The following ICA1 variants were observed in gnomAD, a reference collection of about 807,000 sequenced individuals.
The protein encoded by ICA1 is islet cell autoantigen 1, also known as 69 kDa islet cell autoantigen.
A neutral mutation model predicts 71.0 loss-of-function variants in ICA1; 40 were observed. The observed-to-expected ratio is 0.56, with a 90% CI of 0.44 to 0.73. ICA1 has a LOEUF of 0.73. Among genes scored for constraint, ICA1 ranks in the 30% least tolerant of loss-of-function variants. The pLI, the probability that ICA1 is intolerant of heterozygous loss-of-function variation, is 0.00. For synonymous variants in ICA1, 207 were observed against 209.5 expected, an observed-to-expected ratio of 0.99 and a Z score of 0.10; for missense variants, 578 against 576.5, an observed-to-expected ratio of 1.00 and a Z score of -0.03.
At chr7:8,213,234 T>TA in intron 6 of ICA1, among the ~76,000 whole-genome samples, 1 of 152,338 alleles carries the variant, frequency 6.6e-6, no homozygotes, top group South Asian at 2.1e-4. Flanking sequence ...CAATCCACTG[T>TA]ATAGAATTCT....
intron 6 of ICA1, among the ~76,000 whole-genome samples, chr7:8,189,899 G>A (rs1334021903): frequency 3.9e-5 from 6 of 152,202 alleles, no homozygotes. Flanking sequence ...TACTTAGAAA[G>A]GCGGATTTCA....
rs866463133 is a variant in ICA1, at chr7:8,144,242, A to C, written c.805-270T>G. Among the ~76,000 whole-genome samples, 1 of 152,118 alleles carries C rather than the reference A, an allele frequency of 6.6e-6. No individual in the cohort carries two copies. The highest frequency in any genetic ancestry group is 1.5e-5 in the Non-Finnish European group (1 of 68,016). The stretch of plus-strand genomic sequence containing the variant: ...ATTTGCCACAAGATTTATGTTTTCC[A>C]TTTTGTGATAAGTTATTCAAACGTG... On this transcript the variant is annotated intron_variant, in intron 8 of 13. Coordinates refer to ENST00000402384, the MANE Select transcript of ICA1 (RefSeq NM_001136020.3). This position sits in a 1 kb window ranked among gnomAD's most constrained non-coding sequence, Gnocchi z 4.5.
chr7:8,190,394 C>T (rs376216862), intron 6 of ICA1, among the ~76,000 whole-genome samples: 2 of 152,100 alleles, frequency 1.3e-5, no homozygotes, highest in East Asian at 3.9e-4. Context: ...ATTCCATAAA[C>T]TCACAAATGT....
chr7:8,118,656 T>G (rs1239998717), intron 13 of ICA1, among the ~76,000 whole-genome samples: 1 of 152,230 alleles, frequency 6.6e-6, no homozygotes, highest in Non-Finnish European at 1.5e-5. Context: ...TTGTGGTTTC[T>G]GTGTGTGCCA....
rs1791024165 is a variant in ICA1 at position 8,130,446 on chromosome 7, T to TTAAGGATTA, written c.1061-2313_1061-2305dup. Among the ~76,000 whole-genome samples the TTAAGGATTA allele has an allele frequency of 6.6e-6, 1 of 152,242 alleles. No homozygotes were observed. The highest frequency in any genetic ancestry group is 2.4e-5 in the African/African-American group (1 of 41,460). ...TGCTCCCCTCTCCAGCATCACCTTTTTAAGGATTATTAACATTACAGAACT... is the reference window on the plus strand; with the variant it reads ...TGCTCCCCTCTCCAGCATCACCTTTTTAAGGATTATAAGGATTATTAACATTACAGAACT... On this transcript the variant is annotated intron_variant, in intron 12 of 13. Coordinates refer to ENST00000402384, the MANE Select transcript of ICA1 (RefSeq NM_001136020.3). This position sits in a 1 kb window ranked among gnomAD's most constrained non-coding sequence, Gnocchi z 4.2.
chr7:8,153,514 A>G (rs539934904), intron 8 of ICA1, among the ~76,000 whole-genome samples: 9 of 152,168 alleles, frequency 5.9e-5, no homozygotes, highest in African/African-American at 2.2e-4. Flanking sequence ...TTCCCCCTTG[A>G]TAATGTCTGC....
At chr7:8,203,704 G>A (rs1018553960) in intron 6 of ICA1, among the ~76,000 whole-genome samples, 17 of 152,228 alleles carry the variant, frequency 1.1e-4, no homozygotes, top group African/African-American at 3.6e-4. Context: ...CACTGGAAAT[G>A]TCTGCAGGGG....
intron 8 of ICA1, among the ~76,000 whole-genome samples, chr7:8,150,480 T>A (rs1214003632): frequency 6.6e-6 from 1 of 152,256 alleles, no homozygotes; most frequent in Non-Finnish European, 1.5e-5. Context: ...ATTCCTGCTT[T>A]CCTGACAGGA....
chr7:8,199,439 G>A (rs1457483872), intron 6 of ICA1, among the ~76,000 whole-genome samples: 1 of 152,180 alleles, frequency 6.6e-6, no homozygotes, highest in Non-Finnish European at 1.5e-5. Flanking sequence ...GGCCAGGCAT[G>A]GTGGCTCACG....
At chr7:8,239,777 A>G (rs1181451091) in intron 1 of ICA1, among the ~76,000 whole-genome samples, 1 of 152,212 alleles carries the variant, frequency 6.6e-6, no homozygotes, top group East Asian at 1.9e-4. Context: ...TCCCATGCCC[A>G]TGAAGCCTTG....
At chr7:8,142,055 T>G in intron 9 of ICA1, 1 of 1,414,044 alleles carries the variant, frequency 7.1e-7, no homozygotes, top group Non-Finnish European at 9.4e-7. Context: ...TCTGTAAATA[T>G]CTAGATGGGC....
intron 6 of ICA1, among the ~76,000 whole-genome samples, chr7:8,160,935 C>T (rs931633111): frequency 2.6e-5 from 4 of 152,080 alleles, no homozygotes; most frequent in Non-Finnish European, 5.9e-5. Flanking sequence ...AGGGGAGAAT[C>T]GGGGGAGTCT....
At chr7:8,208,882 C>T (rs929730072) in intron 6 of ICA1, among the ~76,000 whole-genome samples, 21 of 152,114 alleles carry the variant, frequency 1.4e-4, no homozygotes, top group African/African-American at 5.1e-4. Context: ...AACAGTCATC[C>T]AAGAGATTCA....
Position 8,122,682 on chromosome 7 carries a change from T to C in ICA1, c.1330+5191A>G, listed in dbSNP as rs564421475. On this transcript the variant is annotated intron_variant, in intron 13 of 13. Coordinates refer to ENST00000402384, the MANE Select transcript of ICA1 (RefSeq NM_001136020.3). ...GGAATGGCAGGAGGTGAGCACTGCT[T>C]GAGGAAAGGTGAAACGGAGATAACC... 2.6e-5 allele frequency among the ~76,000 whole-genome samples: 4 copies of C among 152,328 alleles called. No homozygotes were observed. The South Asian group carries it at 8.3e-4, about 32-fold the overall frequency.
At chr7:8,249,354 C>T (rs1807313717) in intron 1 of ICA1, among the ~76,000 whole-genome samples, 1 of 152,202 alleles carries the variant, frequency 6.6e-6, no homozygotes, top group Non-Finnish European at 1.5e-5. Context: ...GCAGAACTGC[C>T]AGTGGTGTGT....
Position 8,113,823 on chromosome 7 carries a change from CA to C in ICA1, c.*99del, listed in dbSNP as rs1175584771. On this transcript the variant is annotated 3_prime_UTR_variant, in exon 14 of 14. Transcript: ENST00000402384. This position sits in a 1 kb window ranked among gnomAD's most constrained non-coding sequence, Gnocchi z 4.2. Reference sequence around the variant, plus strand: ...ACCCTTTCATTTTATTAAAATGGCACATAATTATTAAAACAGCATACTGATC... The same window carrying C: ...ACCCTTTCATTTTATTAAAATGGCACTAATTATTAAAACAGCATACTGATC... 2 of 1,264,242 alleles carry C rather than the reference CA, an allele frequency of 1.6e-6. No individual in the cohort carries two copies. The highest frequency in any genetic ancestry group is 2.3e-6 in the Non-Finnish European group (2 of 877,226). 78.3% of individuals were successfully genotyped at this position (1,264,242 alleles called of 1,614,324 possible). A position where few individuals can be genotyped will look rare whatever the true frequency, so the allele number is the denominator to read the frequency against.
chr7:8,149,916 C>A (rs755924510), intron 8 of ICA1, among the ~76,000 whole-genome samples: 1 of 152,182 alleles, frequency 6.6e-6, no homozygotes, highest in South Asian at 2.1e-4. Context: ...GTACTGGCCA[C>A]ATAATTCATG....
chr7:8,202,973 T>C (rs1790251521), intron 6 of ICA1, among the ~76,000 whole-genome samples: 1 of 152,194 alleles, frequency 6.6e-6, no homozygotes, highest in South Asian at 2.1e-4. Context: ...TCCTGGCAAA[T>C]TCCTTGTGAT....
intron 1 of ICA1, among the ~76,000 whole-genome samples, chr7:8,244,048 A>G (rs1306486288): frequency 2.0e-5 from 1 of 50,860 alleles, no homozygotes; most frequent in Non-Finnish European, 3.6e-5. Context: ...ACAGAATTGG[A>G]AAAAAACTAC....
Sources: allele counts gnomAD v4.1 joint callset (sites outside exome capture counted in the v4.1 genomes callset), GRCh38; gene constraint gnomAD v4.1.1; non-coding constraint Gnocchi (gnomAD v3.1); transcripts MANE v1.5; gene names NCBI Gene and HGNC (gene_info 2026-07-23, HGNC 2026-07-21).